Variants in COL11A1 observed in about 807,000 individuals in gnomAD.
COL11A1 encodes the protein collagen type XI alpha 1 chain.
In COL11A1, 74 loss-of-function variants were observed where a neutral mutation model predicts 265.2. The ratio of observed to expected loss-of-function variants is 0.28; its 90% CI spans 0.23 to 0.34. The LOEUF is 0.34. COL11A1 is among the 10% of genes least tolerant of loss of function. The probability of loss-of-function intolerance (pLI) is 1.00; values close to 1 mark genes in which losing one functional copy is unlikely to be tolerated. For missense variants in COL11A1, 2,165 were observed against 2,263.6 expected, an observed-to-expected ratio of 0.96 and a Z score of 0.88; for synonymous variants, 816 against 727.6, an observed-to-expected ratio of 1.12 and a Z score of -1.96.
intron 42 of COL11A1, 85 bp from the exon 43 acceptor site, chr1:102,940,519 G>A (rs1006484167): frequency 3.1e-6 from 3 of 979,580 alleles, no homozygotes; most frequent in Non-Finnish European, 4.7e-6. Flanking sequence ...TATTTGACAA[G>A]GATATTGTTT....
chr1:102,926,567 A>G (rs1425937896), intron 46 of COL11A1, among the ~76,000 whole-genome samples: 1 of 152,212 alleles, frequency 6.6e-6, no homozygotes, highest in Non-Finnish European at 1.5e-5. Context: ...AGCATCATTC[A>G]GTTTCCTGAT....
intron 38 of COL11A1, among the ~76,000 whole-genome samples, chr1:102,964,453 A>G (rs190083936): frequency 3.9e-5 from 6 of 152,306 alleles, no homozygotes; most frequent in Admixed American, 6.5e-5. Flanking sequence ...CACACTCTAT[A>G]AAATAACATC....
Position 102,890,465 on chromosome 1 carries a change from A to G in COL11A1, c.4342T>C (p.Ser1448Pro). Residue 1448 changes from serine (S) to proline (P), a missense_variant, in exon 58 of 67, where the codon TCC becomes CCC. Physicochemically the swap from Ser to Pro is moderately conservative, Grantham distance 74 (BLOSUM62 -1). Transcript: ENST00000370096. Reference sequence around the variant, plus strand: ...TTTATTCTCACCTTTTCACCCTTGGAGCCAGGGTCACCTTTGAGACCAGGT... The same window carrying G: ...TTTATTCTCACCTTTTCACCCTTGGGGCCAGGGTCACCTTTGAGACCAGGT... Reference protein sequence around the residue: ...GLPGLKGDPGSKGEKGHPGLI... With the variant: ...GLPGLKGDPGPKGEKGHPGLI... 1 of 1,609,874 alleles carries G rather than the reference A, an allele frequency of 6.2e-7. No individual in the cohort carries two copies. The highest frequency in any genetic ancestry group is 1.7e-5 in the Admixed American group (1 of 59,586).
At chr1:103,031,046 GT>G (rs767574393) in intron 5 of COL11A1, 69 bp downstream of exon 5, 1 of 1,547,928 alleles carries the variant, frequency 6.5e-7, no homozygotes, top group Admixed American at 1.7e-5. Flanking sequence ...ATAAGTATAA[GT>G]TCAAAAACTG....
intron 37 of COL11A1, among the ~76,000 whole-genome samples, chr1:102,969,943 A>T (rs1436936827): frequency 6.6e-6 from 1 of 152,138 alleles, no homozygotes; most frequent in Non-Finnish European, 1.5e-5. Flanking sequence ...TGTCCAAAAA[A>T]TAATGGTGTC....
chr1:103,037,097 AC>A (rs1442195436), intron 4 of COL11A1, among the ~76,000 whole-genome samples: 1 of 150,784 alleles, frequency 6.6e-6, no homozygotes, highest in African/African-American at 2.4e-5. Context: ...ACATATGCTA[AC>A]TTTTTTTGTT....
chr1:102,976,665 A>T (rs746592449), intron 35 of COL11A1, among the ~76,000 whole-genome samples: 10 of 152,156 alleles, frequency 6.6e-5, no homozygotes, highest in Non-Finnish European at 1.5e-4. Flanking sequence ...ATAATGACTC[A>T]GTGTACAGAT....
At chr1:103,079,474 C>A (rs1296830765) in intron 2 of COL11A1, among the ~76,000 whole-genome samples, 3 of 151,940 alleles carry the variant, frequency 2.0e-5, no homozygotes, top group Admixed American at 6.6e-5. Context: ...TTTTTCTTTT[C>A]TTCTCTCTCT....
intron 43 of COL11A1, 80 bp from the exon 44 acceptor site, chr1:102,939,168 T>C (rs1448297651): frequency 8.0e-7 from 1 of 1,253,098 alleles, no homozygotes; most frequent in African/African-American, 1.5e-5. Flanking sequence ...CAGTTAAATT[T>C]TACCTTTAAT....
At chr1:102,884,005 G>T (rs1252972698) in intron 63 of COL11A1, among the ~76,000 whole-genome samples, 2 of 152,148 alleles carry the variant, frequency 1.3e-5, no homozygotes, top group African/African-American at 4.8e-5. Context: ...GAGTAACAAA[G>T]TTATTCTTTA....
chr1:103,087,770 TA>T (rs2102350866), intron 1 of COL11A1, among the ~76,000 whole-genome samples: 1 of 152,342 alleles, frequency 6.6e-6, no homozygotes, highest in Non-Finnish European at 1.5e-5. Flanking sequence ...TTAGATCTGC[TA>T]ACCTCTATTA....
chr1:103,040,024 A>G (rs1188980760), intron 4 of COL11A1, among the ~76,000 whole-genome samples: 2 of 152,096 alleles, frequency 1.3e-5, no homozygotes, highest in Non-Finnish European at 2.9e-5. Context: ...GTAAAAAAGC[A>G]TCATTCCAAC....
At chr1:103,107,946 T>C in intron 1 of COL11A1, 127 bp downstream of exon 1, 1 of 744,304 alleles carries the variant, frequency 1.3e-6, no homozygotes, top group South Asian at 1.5e-5. Context: ...ATCTGGATTG[T>C]ATTTAAGGGA....
chr1:103,007,498 C>A (rs1665728268), intron 15 of COL11A1, among the ~76,000 whole-genome samples: 2 of 151,732 alleles, frequency 1.3e-5, no homozygotes. Flanking sequence ...AAATGAAACC[C>A]AAATTTGAAA....
chr1:103,047,969 G>T (rs535416443), intron 4 of COL11A1, among the ~76,000 whole-genome samples: 3 of 152,292 alleles, frequency 2.0e-5, no homozygotes, highest in East Asian at 3.9e-4. Context: ...GATCATGGTG[G>T]ATAAGCTTTT....
intron 46 of COL11A1, among the ~76,000 whole-genome samples, chr1:102,927,642 C>CA (rs1314633902): frequency 4.1e-5 from 6 of 148,116 alleles, no homozygotes; most frequent in East Asian, 2.0e-4. Flanking sequence ...GACGCCGTCT[C>CA]AAAAAAACAA....
intron 4 of COL11A1, among the ~76,000 whole-genome samples, chr1:103,065,412 C>T (rs902067093): frequency 2.7e-5 from 4 of 148,504 alleles, no homozygotes; most frequent in East Asian, 4.2e-4. Flanking sequence ...CCCAGCTACT[C>T]AGGAGGCTGA....
chr1:102,978,498 C>T (rs1206566508), intron 35 of COL11A1, among the ~76,000 whole-genome samples: 1 of 152,116 alleles, frequency 6.6e-6, no homozygotes, highest in Admixed American at 6.6e-5. Flanking sequence ...ACATTTTTCT[C>T]ATTTCTATAA....
intron 4 of COL11A1, among the ~76,000 whole-genome samples, chr1:103,045,511 A>G (rs2102079112): frequency 6.6e-6 from 1 of 152,304 alleles, no homozygotes; most frequent in Non-Finnish European, 1.5e-5. Flanking sequence ...AGAACTATAT[A>G]CAGTCAAATC....
Sources: allele counts gnomAD v4.1 joint callset (sites outside exome capture counted in the v4.1 genomes callset), GRCh38; gene constraint gnomAD v4.1.1; transcripts MANE v1.5; gene names NCBI Gene and HGNC (gene_info 2026-07-23, HGNC 2026-07-21).